LMLN: variants seen among roughly 807,000 people sequenced by gnomAD.
The protein encoded by LMLN is leishmanolysin like peptidase, also known as leishmanolysin-like peptidase.
LMLN carries 70 observed loss-of-function variants against 92.3 expected under a neutral mutation model. The ratio of observed to expected loss-of-function variants is 0.76; its 90% CI spans 0.63 to 0.92. The LOEUF (loss-of-function observed/expected upper bound fraction) is 0.92. Ranked by LOEUF, LMLN falls within the 40% of genes least tolerant of loss-of-function variation. LMLN has a pLI of 0.00. For missense variants in LMLN, 691 were observed against 814.6 expected, an observed-to-expected ratio of 0.85 and a Z score of 1.85; for synonymous variants, 308 against 296.2, an observed-to-expected ratio of 1.04 and a Z score of -0.41.
In LMLN at chr3:198,043,353, C is replaced by T. The variant is rs536414107; in HGVS notation, c.*4686C>T. The T allele has an allele frequency of 2.0e-5, 3 of 152,786 alleles. No individual in the cohort carries two copies. In the South Asian group the frequency reaches 6.2e-4, roughly 32 times the overall value. The allele number at this position is 152,786 out of a possible 1,614,324, so 9.5% of individuals were successfully genotyped here. A position where few individuals can be genotyped will look rare whatever the true frequency, so the allele number is the denominator to read the frequency against. On this transcript the variant is annotated 3_prime_UTR_variant, in exon 16 of 16. Transcript: ENST00000330198. ...CACTGTCCGTGTCCTTGGACGCTGA[C>T]TGGACAGAGAGGAGCCTGTCTCTCA...
intron 15 of LMLN, 35 bp downstream of exon 16, chr3:198,036,078 AAGT>A: frequency 6.4e-7 from 1 of 1,565,686 alleles, no homozygotes; most frequent in Non-Finnish European, 8.8e-7. Context: ...AAAGAGGGAA[AAGT>A]GAAGGAGGTG....
intron 1 of LMLN, among the ~76,000 whole-genome samples, chr3:197,972,267 T>A (rs948341488): frequency 1.4e-4 from 21 of 152,122 alleles, no homozygotes; most frequent in African/African-American, 4.8e-4. Flanking sequence ...TCTCACCATG[T>A]TGGCCAGGCT....
chr3:197,962,661 CT>C (rs1394079883), intron 1 of LMLN, among the ~76,000 whole-genome samples: 2 of 152,062 alleles, frequency 1.3e-5, no homozygotes, highest in African/African-American at 4.8e-5. Context: ...TAAATACCCC[CT>C]AGGTCATAAA....
intron 15 of LMLN, 29 bp downstream of exon 16, chr3:198,036,072 A>AG: frequency 6.3e-7 from 1 of 1,586,944 alleles, no homozygotes; most frequent in Non-Finnish European, 8.6e-7. Context: ...TGGAATAAAG[A>AG]GGGAAAAGTG....
exon 6 of LMLN, chr3:197,980,333 G>A (rs150151522): frequency 1.2e-5 from 19 of 1,612,744 alleles, no homozygotes; most frequent in East Asian, 2.2e-5. Flanking sequence ...CAGCAATGCC[G>A]GGTCTACCGT....
At chr3:197,980,619 A>G in intron 6 of LMLN, 115 bp downstream of exon 6, 3 of 978,196 alleles carry the variant, frequency 3.1e-6, no homozygotes, top group South Asian at 1.5e-5. Context: ...TGCCTCTGGT[A>G]GACAGGAATA....
At chr3:198,026,376 T>G (rs1416786311) in intron 14 of LMLN, among the ~76,000 whole-genome samples, 1 of 152,140 alleles carries the variant, frequency 6.6e-6, no homozygotes, top group African/African-American at 2.4e-5. Context: ...TGGAGTGCAG[T>G]GGTGCGATCT....
intron 14 of LMLN, among the ~76,000 whole-genome samples, chr3:198,032,896 T>A (rs1323309369): frequency 1.3e-5 from 2 of 152,176 alleles, no homozygotes; most frequent in Non-Finnish European, 2.9e-5. Flanking sequence ...CTGGCGTCTG[T>A]CTCTGAAACA....
At chr3:198,040,400 A>G (rs976229856) in exon 16 of LMLN, 1 of 152,270 alleles carries the variant, frequency 6.6e-6, no homozygotes, top group African/African-American at 2.4e-5. Context: ...TTTAATGGCT[A>G]GATGAGGTTT....
At chr3:197,993,038 G>A (rs541749610) in intron 9 of LMLN, among the ~76,000 whole-genome samples, 31 of 152,158 alleles carry the variant, frequency 2.0e-4, no homozygotes, top group African/African-American at 7.2e-4. Flanking sequence ...AAAACCATAC[G>A]ATCATCTCAA....
chr3:198,011,833 G>C (rs1355934275), intron 11 of LMLN, among the ~76,000 whole-genome samples: 1 of 152,116 alleles, frequency 6.6e-6, no homozygotes, highest in Non-Finnish European at 1.5e-5. Flanking sequence ...GTGTGAGATG[G>C]TACACCAAAA....
In LMLN at chr3:198,028,979, G is replaced by A. The variant is rs939746302; in HGVS notation, c.1656+4191G>A. 5.9e-5 allele frequency among the ~76,000 whole-genome samples: 9 copies of A among 152,278 alleles called. No individual in the cohort carries two copies. The East Asian group carries it at 7.7e-4, about 13-fold the overall frequency. The stretch of plus-strand genomic sequence containing the variant: ...CCCCATGTCTGAACTGGCTGTGGAC[G>A]TCTCAAGTACATTTGGTTGTACTTT... On this transcript the variant is annotated intron_variant, in intron 14 of 15. Coordinates refer to ENST00000330198, the Ensembl canonical transcript of LMLN.
At chr3:197,970,350 G>A (rs535913374) in intron 1 of LMLN, among the ~76,000 whole-genome samples, 125 of 152,206 alleles carry the variant, frequency 8.2e-4, no homozygotes, top group African/African-American at 2.5e-3. Context: ...TCAGCTTGTC[G>A]TCATACTCAC....
intron 1 of LMLN, among the ~76,000 whole-genome samples, chr3:197,966,198 A>G (rs1201350140): frequency 3.9e-5 from 6 of 152,086 alleles, no homozygotes; most frequent in African/African-American, 1.4e-4. Context: ...ACCTGCCATC[A>G]TGCCCGGCTA....
intron 1 of LMLN, among the ~76,000 whole-genome samples, chr3:197,962,384 A>G (rs1259060236): frequency 6.6e-6 from 1 of 152,202 alleles, no homozygotes; most frequent in Non-Finnish European, 1.5e-5. Context: ...TTGTTCAAAG[A>G]TGGGTATTTT....
chr3:198,006,599 C>T (rs1317236304), intron 11 of LMLN, among the ~76,000 whole-genome samples: 4 of 152,212 alleles, frequency 2.6e-5, no homozygotes, highest in Admixed American at 6.5e-5. Context: ...CTGATAGGAG[C>T]GTAGTGATAT....
rs549863146 is a variant in LMLN at position 198,031,959 on chromosome 3, C to T, written c.1657-3874C>T. On this transcript the variant is annotated intron_variant, in intron 14 of 15. Coordinates refer to ENST00000330198, the Ensembl canonical transcript of LMLN. The surrounding 1 kb of genome is among the most constrained non-coding windows in gnomAD (Gnocchi z 4.8). ...TCTACTAAAAATACAAAAATTAGCC[C>T]GGTGTGGTGGTGGGCGCCTGTAATT... Among the ~76,000 whole-genome samples the T allele has an allele frequency of 2.6e-5, 4 of 151,692 alleles. No homozygotes were observed. Among genetic ancestry groups the T allele is most frequent in the Non-Finnish European group, 5.9e-5 (4 of 67,890 alleles).
At chr3:198,021,330 A>G (rs932055038) in intron 12 of LMLN, 116 bp from the exon 14 acceptor site, 6 of 802,888 alleles carry the variant, frequency 7.5e-6, no homozygotes, top group South Asian at 1.7e-5. Context: ...GAAGAAAGGT[A>G]CATTAGTATC....
At chr3:197,972,570 A>G (rs1331997763) in intron 1 of LMLN, among the ~76,000 whole-genome samples, 2 of 152,000 alleles carry the variant, frequency 1.3e-5, no homozygotes, top group Non-Finnish European at 2.9e-5. Context: ...GTCTGTTTCT[A>G]TTCCCTGCTT....
Sources: allele counts gnomAD v4.1 joint callset (sites outside exome capture counted in the v4.1 genomes callset), GRCh38; gene constraint gnomAD v4.1.1; non-coding constraint Gnocchi (gnomAD v3.1); transcripts MANE v1.5; gene names NCBI Gene and HGNC (gene_info 2026-07-23, HGNC 2026-07-21).